Variants in CHD1L observed in about 807,000 individuals in gnomAD.
CHD1L encodes the protein chromodomain helicase DNA binding protein 1 like.
Under a neutral mutation model 115.9 loss-of-function variants are expected in CHD1L, and 118 were observed. That is an observed-to-expected ratio of 1.02 (90% CI 0.88 to 1.19). CHD1L has a LOEUF of 1.19. Ranked by LOEUF, CHD1L falls within the 50% of genes most tolerant of loss-of-function variation. The pLI is 0.00. For synonymous variants in CHD1L, 411 were observed against 387.1 expected (o/e 1.06, Z -0.72); for missense variants, 1,179 against 1,065.3 (o/e 1.11, Z -1.49).
At chr1:147,285,785 C>T (rs1459571180) in intron 17 of CHD1L, among the ~76,000 whole-genome samples, 1 of 152,150 alleles carries the variant, frequency 6.6e-6, no homozygotes, top group Admixed American at 6.5e-5. Flanking sequence ...TCAGCCTCAA[C>T]TTCCCATGCT....
At chr1:147,262,728 T>C (rs1672393959) in intron 6 of CHD1L, among the ~76,000 whole-genome samples, 1 of 11,552 alleles carries the variant, frequency 8.7e-5, no homozygotes, top group Admixed American at 1.6e-3. Context: ...AAAAGGGAGA[T>C]GGCAAAAAAA....
chr1:147,247,724 C>T (rs1312602553), intron 1 of CHD1L, among the ~76,000 whole-genome samples: 3 of 152,172 alleles, frequency 2.0e-5, no homozygotes, highest in African/African-American at 4.8e-5. Context: ...ATTCTCCTGT[C>T]TTTGGGTATC....
At chr1:147,220,860 C>G in the CHD1L span, among the ~76,000 whole-genome samples, 19 of 149,748 alleles carry the variant, frequency 1.3e-4, no homozygotes, top group Non-Finnish European at 2.5e-4. Context: ...GTGGAACAAA[C>G]TTACACTTCA....
chr1:147,203,761 T>G, the CHD1L span: 6 of 1,530,936 alleles, frequency 3.9e-6, no homozygotes, highest in Non-Finnish European at 5.4e-6. Context: ...CATCATCTAC[T>G]GCCCTTTCTA....
At chr1:147,287,291 C>T (rs1179813998) in intron 18 of CHD1L, among the ~76,000 whole-genome samples, 30 of 152,188 alleles carry the variant, frequency 2.0e-4, no homozygotes, top group Non-Finnish European at 1.5e-5. Flanking sequence ...TGCCTATGTG[C>T]TGTTGCATAA....
At chr1:147,197,414 T>A in the CHD1L span, among the ~76,000 whole-genome samples, 1 of 152,148 alleles carries the variant, frequency 6.6e-6, no homozygotes, top group African/African-American at 2.4e-5. Flanking sequence ...TTGTCTGTCT[T>A]TGATATGGTT....
At chr1:147,295,116 C>T (rs2103050024) in intron 22 of CHD1L, among the ~76,000 whole-genome samples, 1 of 152,300 alleles carries the variant, frequency 6.6e-6, no homozygotes, top group South Asian at 2.1e-4. Context: ...GCTATAATCA[C>T]ACAGAAACTC....
chr1:147,176,424 A>G, the CHD1L span: 1 of 152,230 alleles, frequency 6.6e-6, no homozygotes, highest in African/African-American at 2.4e-5. Flanking sequence ...GATCCATGAT[A>G]TTCCATTTTA....
chr1:147,275,438 C>T lies in CHD1L; in HGVS notation c.1355C>T (p.Ala452Val). ...AATCCTCAGAATGACTTGCAAGCAGCTGCCAGGGCTCATCGCATTGGCCAA... is the reference window on the plus strand; with the variant it reads ...AATCCTCAGAATGACTTGCAAGCAGTTGCCAGGGCTCATCGCATTGGCCAA... ...DFNPQNDLQA[A>V]ARAHRIGQNK... Residue 452 changes from alanine to valine, a missense_variant, in exon 13 of 23, where the codon GCT (alanine) becomes GTT (valine). By Grantham distance (64) the Ala-to-Val change is moderately conservative. Transcript: ENST00000369258. 6.2e-7 allele frequency: 1 copy of T among 1,614,094 alleles called. No homozygotes were observed. Among genetic ancestry groups the T allele is most frequent in the Non-Finnish European group, 8.5e-7 (1 of 1,179,942 alleles).
In CHD1L at chr1:147,287,999, T is replaced by A. The variant is rs149294393; in HGVS notation, c.2320+266T>A. ...TAGTAAGCATAATAAATGTGTGTAT[T>A]CTGAAAAATGTTGATCCCTGCATAC... On this transcript the variant is annotated intron_variant, in intron 19 of 22. Transcript: ENST00000369258. Among the ~76,000 whole-genome samples the A allele has an allele frequency of 2.9e-3, 435 of 152,252 alleles. 4 individuals are homozygous for A. The highest frequency in any genetic ancestry group is 9.9e-3 in the African/African-American group (410 of 41,540).
At chr1:147,284,557 CAAA>C in intron 16 of CHD1L, 58 bp downstream of exon 16, 2 of 1,422,350 alleles carry the variant, frequency 1.4e-6, no homozygotes, top group Admixed American at 5.2e-5. Flanking sequence ...CTAAAACAAA[CAAA>C]AAAATGATGC....
At chr1:147,275,978 C>A in intron 13 of CHD1L, 126 bp from the exon 14 acceptor site, 1 of 907,610 alleles carries the variant, frequency 1.1e-6, no homozygotes, top group Admixed American at 2.4e-5. Flanking sequence ...ATGAACCAAT[C>A]TCCCTTTCAT....
At chr1:147,250,211 G>A (rs1002464142) in intron 1 of CHD1L, among the ~76,000 whole-genome samples, 4 of 151,926 alleles carry the variant, frequency 2.6e-5, no homozygotes, top group African/African-American at 7.3e-5. Context: ...TAATTCTACC[G>A]TCTGTGTCAT....
At chr1:147,231,726 G>A in the CHD1L span, among the ~76,000 whole-genome samples, 2 of 152,108 alleles carry the variant, frequency 1.3e-5, no homozygotes, top group African/African-American at 4.8e-5. Context: ...AGGACCCTCG[G>A]AGCCAGGCAT....
chr1:147,258,852 A>G (rs1376039780), intron 5 of CHD1L: 8 of 152,198 alleles, frequency 5.3e-5, no homozygotes, highest in African/African-American at 1.7e-4. Flanking sequence ...ATGGGATTCC[A>G]GAATGTTTAT....
At chr1:147,226,897 A>G in the CHD1L span, among the ~76,000 whole-genome samples, 2 of 151,414 alleles carry the variant, frequency 1.3e-5, no homozygotes, top group Non-Finnish European at 2.9e-5. Context: ...CAGTGGTGCA[A>G]TCATGGCTCA....
chr1:147,178,194 G>A, the CHD1L span: 66 of 1,612,580 alleles, frequency 4.1e-5, no homozygotes, highest in Non-Finnish European at 5.1e-5. Flanking sequence ...CCTCCGACGT[G>A]CTAGGACTCA....
At chr1:147,190,776 G>T in the CHD1L span, among the ~76,000 whole-genome samples, 17 of 152,040 alleles carry the variant, frequency 1.1e-4, no homozygotes, top group Non-Finnish European at 1.8e-4. Flanking sequence ...CTGGTGTGCA[G>T]CACCCATTAA....
the CHD1L span, among the ~76,000 whole-genome samples, chr1:147,180,301 G>GT: frequency 0.038 from 5,731 of 150,844 alleles, 112 homozygotes; most frequent in African/African-American, 0.05. Flanking sequence ...TGGTTTTTGT[G>GT]TTTTTTTTTG....
Sources: gnomAD v4.1 joint callset for allele counts (sites outside exome capture counted in the v4.1 genomes callset) on GRCh38, gnomAD v4.1.1 for gene constraint, MANE v1.5 for transcripts, NCBI Gene and HGNC (gene_info 2026-07-23, HGNC 2026-07-21) for gene names.